DYNC2I1: variants seen among roughly 807,000 people sequenced by gnomAD.
DYNC2I1 encodes dynein 2 intermediate chain 1.
A neutral mutation model predicts 133.4 loss-of-function variants in DYNC2I1; 89 were observed. That is an observed-to-expected ratio of 0.67 (90% CI 0.56 to 0.80). The LOEUF is 0.80. DYNC2I1 is among the 30% of genes least tolerant of loss of function. The probability of loss-of-function intolerance (pLI) is 0.00; values close to 1 mark genes in which losing one functional copy is unlikely to be tolerated. For synonymous variants in DYNC2I1, 504 were observed against 484.3 expected, an observed-to-expected ratio of 1.04 and a Z score of -0.54; for missense variants, 1,291 against 1,314.5, an observed-to-expected ratio of 0.98 and a Z score of 0.28.
At chr7:158,844,121 G>A in the DYNC2I1 span, among the ~76,000 whole-genome samples, 1 of 152,232 alleles carries the variant, frequency 6.6e-6, no homozygotes, top group Non-Finnish European at 1.5e-5. Context: ...AAGGAAGGCA[G>A]TCTCTCTCCT....
intron 21 of DYNC2I1, among the ~76,000 whole-genome samples, chr7:158,932,097 C>A (rs561749414): frequency 6.6e-6 from 1 of 152,132 alleles, no homozygotes; most frequent in Non-Finnish European, 1.5e-5. Flanking sequence ...CTTTGTACCC[C>A]GCATCCCATC....
At position 158,945,925 on chromosome 7, in the gene DYNC2I1, T is replaced by C. The variant is rs1851842730; in HGVS notation, c.*146T>C. 3.8e-6 allele frequency: 3 copies of C among 792,336 alleles called. No homozygotes were observed. Among genetic ancestry groups the C allele is most frequent in the Non-Finnish European group, 1.8e-6 (1 of 566,486 alleles). The allele number at this position is 792,336 out of a possible 1,614,324, so 49.1% of individuals were successfully genotyped here. A position where few individuals can be genotyped will look rare whatever the true frequency, so the allele number is the denominator to read the frequency against. ...AATTTATTTTACATGAATATGTCTTTGGTATTCCCAGTAAATAGATGACTA... is the reference window on the plus strand; with the variant it reads ...AATTTATTTTACATGAATATGTCTTCGGTATTCCCAGTAAATAGATGACTA... On this transcript the variant is annotated 3_prime_UTR_variant, in exon 25 of 25. Coordinates refer to ENST00000407559, the MANE Select transcript of DYNC2I1 (RefSeq NM_018051.5). The surrounding 1 kb of genome is among the most constrained non-coding windows in gnomAD (Gnocchi z 4.1).
chr7:158,910,863 C>T (rs142611309), intron 11 of DYNC2I1, among the ~76,000 whole-genome samples: 2 of 149,058 alleles, frequency 1.3e-5, no homozygotes, highest in African/African-American at 5.0e-5. Flanking sequence ...GGGCGGAGGG[C>T]GATTGGCTGT....
At chr7:158,941,800 C>T in intron 23 of DYNC2I1, 125 bp from the exon 24 acceptor site, 6 of 1,084,402 alleles carry the variant, frequency 5.5e-6, no homozygotes, top group Middle Eastern at 2.1e-4. Context: ...ATTGATTGAG[C>T]CCGGGAGGTC....
chr7:158,897,666 T>C (rs1845881063), intron 8 of DYNC2I1, among the ~76,000 whole-genome samples: 1 of 152,192 alleles, frequency 6.6e-6, no homozygotes, highest in African/African-American at 2.4e-5. Context: ...AGAAGTGTAC[T>C]GATTTATTGG....
intron 11 of DYNC2I1, among the ~76,000 whole-genome samples, chr7:158,908,904 G>C (rs1847106840): frequency 6.6e-6 from 1 of 152,148 alleles, no homozygotes; most frequent in Non-Finnish European, 1.5e-5. Flanking sequence ...GGTGGTAAAG[G>C]ACACAGAGAG....
the DYNC2I1 span, among the ~76,000 whole-genome samples, chr7:158,842,981 G>A: frequency 6.6e-6 from 1 of 152,196 alleles, no homozygotes; most frequent in Admixed American, 6.5e-5. Flanking sequence ...CTCTCTGTGA[G>A]GACAGTAAGT....
intron 11 of DYNC2I1, among the ~76,000 whole-genome samples, chr7:158,908,576 C>A (rs933366257): frequency 2.0e-5 from 3 of 152,144 alleles, no homozygotes; most frequent in Non-Finnish European, 4.4e-5. Context: ...ACAGATCATA[C>A]AAGACTTGAG....
intron 20 of DYNC2I1, among the ~76,000 whole-genome samples, chr7:158,930,047 G>C (rs1202113467): frequency 6.6e-6 from 1 of 152,216 alleles, no homozygotes; most frequent in Non-Finnish European, 1.5e-5. Flanking sequence ...ATGGTGGAGA[G>C]AGAGGTCCTG....
chr7:158,947,978 G>A (rs577883618), downstream of DYNC2I1, among the ~76,000 whole-genome samples: 6 of 152,180 alleles, frequency 3.9e-5, no homozygotes, highest in African/African-American at 1.2e-4. Flanking sequence ...TGTGAAGTTC[G>A]TGAAGAAAGA....
chr7:158,891,189 T>TG lies in DYNC2I1; in HGVS notation c.991-69dup, dbSNP rs55978018. Reference sequence around the variant, plus strand: ...GCTGGCGGGCTCCGCAGTGGTGGGGTGGGGGGGAGCTGCGTGGCGTGTGCC... The same window carrying TG: ...GCTGGCGGGCTCCGCAGTGGTGGGGTGGGGGGGGAGCTGCGTGGCGTGTGCC... On this transcript the variant is annotated intron_variant, in intron 7 of 24. Coordinates refer to ENST00000407559, the MANE Select transcript of DYNC2I1 (RefSeq NM_018051.5). 13,751 of 1,522,326 alleles carry TG rather than the reference T, an allele frequency of 9.0e-3. 72 individuals are homozygous for TG. The highest frequency in any genetic ancestry group is 0.011 in the Non-Finnish European group (12,122 of 1,099,488). The allele number at this position is 1,522,326 out of a possible 1,614,324, so 94.3% of individuals were successfully genotyped here. A position where few individuals can be genotyped will look rare whatever the true frequency, so the allele number is the denominator to read the frequency against.
chr7:158,863,876 CG>C, intron 1 of DYNC2I1, among the ~76,000 whole-genome samples: 1 of 85,660 alleles, frequency 1.2e-5, no homozygotes, highest in Non-Finnish European at 2.2e-5. Context: ...GAGGGGGGAG[CG>C]GGACGTCCTT....
intron 4 of DYNC2I1, among the ~76,000 whole-genome samples, chr7:158,878,785 C>T (rs56376694): frequency 0.011 from 1,410 of 124,686 alleles, 26 homozygotes; most frequent in African/African-American, 0.042. Flanking sequence ...GGAGGGCCGA[C>T]TCTGAGTGCC....
chr7:158,935,218 C>T (rs1850629205), intron 23 of DYNC2I1, among the ~76,000 whole-genome samples: 1 of 152,228 alleles, frequency 6.6e-6, no homozygotes, highest in African/African-American at 2.4e-5. Flanking sequence ...GCGCTGCACT[C>T]ATGCTGCAGG....
the DYNC2I1 span, among the ~76,000 whole-genome samples, chr7:158,840,919 G>T: frequency 1.3e-5 from 2 of 152,096 alleles, no homozygotes; most frequent in Non-Finnish European, 2.9e-5. Context: ...GCCCACGGAG[G>T]CCACAAGCCT....
At chr7:158,895,348 T>C (rs1430620457) in intron 8 of DYNC2I1, among the ~76,000 whole-genome samples, 1 of 152,222 alleles carries the variant, frequency 6.6e-6, no homozygotes, top group Non-Finnish European at 1.5e-5. Context: ...GTCTAGATCA[T>C]AGTGTGAATG....
intron 5 of DYNC2I1, among the ~76,000 whole-genome samples, chr7:158,880,735 C>A (rs1843915835): frequency 1.3e-5 from 2 of 152,066 alleles, no homozygotes; most frequent in South Asian, 4.2e-4. Flanking sequence ...GTCTAATTTC[C>A]CTCCCAGGTC....
At chr7:158,841,184 T>TTTTAGAC in the DYNC2I1 span, among the ~76,000 whole-genome samples, 1 of 27,810 alleles carries the variant, frequency 3.6e-5, no homozygotes, top group Non-Finnish European at 6.6e-5. Context: ...TATATATATA[T>TTTTAGAC]ATATATATAT....
chr7:158,949,401 T>G (rs894601164), downstream of DYNC2I1, among the ~76,000 whole-genome samples: 2 of 152,256 alleles, frequency 1.3e-5, no homozygotes, highest in Non-Finnish European at 2.9e-5. Flanking sequence ...TGGGCAGGAC[T>G]GTAGACAGTC....
Sources: gnomAD v4.1 joint callset for allele counts (sites outside exome capture counted in the v4.1 genomes callset) on GRCh38, gnomAD v4.1.1 for gene constraint, Gnocchi (gnomAD v3.1) non-coding constraint, MANE v1.5 for transcripts, NCBI Gene and HGNC (gene_info 2026-07-23, HGNC 2026-07-21) for gene names.